Variants in QTMAN observed in about 807,000 individuals in gnomAD.
The protein encoded by QTMAN is tRNA-queuosine alpha-mannosyltransferase.
chr2:144,166,448 G>A, the QTMAN span, among the ~76,000 whole-genome samples: 9 of 152,130 alleles, frequency 5.9e-5, no homozygotes, highest in East Asian at 9.6e-4. Flanking sequence ...AATCGACAAA[G>A]GTATTGAAGG....
the QTMAN span, among the ~76,000 whole-genome samples, chr2:144,077,642 T>C: frequency 6.6e-6 from 1 of 152,166 alleles, no homozygotes; most frequent in African/African-American, 2.4e-5. Context: ...TATGGTTGTG[T>C]CTATCTACAC....
At chr2:144,105,241 C>A in the QTMAN span, among the ~76,000 whole-genome samples, 1 of 152,162 alleles carries the variant, frequency 6.6e-6, no homozygotes, top group East Asian at 1.9e-4. Flanking sequence ...AGCAACAGAG[C>A]AAAGCTGGAC....
the QTMAN span, among the ~76,000 whole-genome samples, chr2:144,266,967 G>A: frequency 6.6e-6 from 1 of 152,126 alleles, no homozygotes; most frequent in Non-Finnish European, 1.5e-5. Flanking sequence ...AAGGACATTA[G>A]AGGTATTGGA....
chr2:144,079,176 A>G, the QTMAN span, among the ~76,000 whole-genome samples: 1 of 152,164 alleles, frequency 6.6e-6, no homozygotes, highest in African/African-American at 2.4e-5. Context: ...GAGGAGGCAA[A>G]GTATTAACGG....
At chr2:144,295,096 A>C in the QTMAN span, among the ~76,000 whole-genome samples, 1 of 152,246 alleles carries the variant, frequency 6.6e-6, no homozygotes, top group Admixed American at 6.5e-5. Flanking sequence ...TAAAGAATGA[A>C]GTTTTTACTT....
At chr2:144,145,580 A>T in the QTMAN span, 1 of 1,607,230 alleles carries the variant, frequency 6.2e-7, no homozygotes, top group Non-Finnish European at 8.5e-7. Context: ...ACCATGAAAG[A>T]ATTTGGTTGT....
the QTMAN span, among the ~76,000 whole-genome samples, chr2:144,139,946 C>G: frequency 5.9e-5 from 9 of 152,108 alleles, no homozygotes; most frequent in Non-Finnish European, 1.3e-4. Flanking sequence ...GAGAAAGATA[C>G]AAGCATTCAA....
chr2:144,139,879 T>C, the QTMAN span, among the ~76,000 whole-genome samples: 1 of 152,090 alleles, frequency 6.6e-6, no homozygotes. Flanking sequence ...AACTGTATCT[T>C]CTGCTTTGTT....
chr2:144,012,142 C>G, the QTMAN span, among the ~76,000 whole-genome samples: 1 of 152,082 alleles, frequency 6.6e-6, no homozygotes, highest in Non-Finnish European at 1.5e-5. Context: ...TCCTGCTGCC[C>G]ATCCCCTCAG....
At chr2:144,281,082 G>A in the QTMAN span, among the ~76,000 whole-genome samples, 76 of 92,192 alleles carry the variant, frequency 8.2e-4, no homozygotes, top group African/African-American at 3.2e-3. Context: ...AACAGTCCCC[G>A]GTGTGTGATG....
chr2:143,964,839 G>A, the QTMAN span, among the ~76,000 whole-genome samples: 1 of 152,052 alleles, frequency 6.6e-6, no homozygotes, highest in African/African-American at 2.4e-5. Flanking sequence ...GAAAACCATA[G>A]TTCAGGTTTT....
chr2:144,167,280 A>G, the QTMAN span, among the ~76,000 whole-genome samples: 4 of 152,324 alleles, frequency 2.6e-5, no homozygotes, highest in Middle Eastern at 6.8e-3. Flanking sequence ...TGAAAACTCA[A>G]TCATCCTCAC....
chr2:144,046,407 T>C, the QTMAN span, among the ~76,000 whole-genome samples: 2 of 152,210 alleles, frequency 1.3e-5, no homozygotes, highest in South Asian at 2.1e-4. Context: ...TTGTTTGAGA[T>C]GGGGCTTTGT....
the QTMAN span, among the ~76,000 whole-genome samples, chr2:144,103,076 T>C: frequency 7.2e-5 from 11 of 152,162 alleles, no homozygotes; most frequent in Admixed American, 3.3e-4. Context: ...GGGGAATATA[T>C]TGGATGGTGG....
chr2:144,141,722 T>C, the QTMAN span, among the ~76,000 whole-genome samples: 1 of 152,006 alleles, frequency 6.6e-6, no homozygotes, highest in East Asian at 1.9e-4. Context: ...ACATGATGAT[T>C]TAAAATCTTT....
the QTMAN span, among the ~76,000 whole-genome samples, chr2:144,133,543 T>C: frequency 3.9e-5 from 4 of 103,806 alleles, no homozygotes; most frequent in South Asian, 1.1e-3. Context: ...TATAAAGATA[T>C]AAAGATATAA....
At chr2:144,202,065 G>GATGT in the QTMAN span, among the ~76,000 whole-genome samples, 2 of 152,192 alleles carry the variant, frequency 1.3e-5, no homozygotes, top group Non-Finnish European at 2.9e-5. Flanking sequence ...GCAGGTCCAT[G>GATGT]ATGTGAACAA....
chr2:144,175,334 A>G, the QTMAN span, among the ~76,000 whole-genome samples: 1 of 152,112 alleles, frequency 6.6e-6, no homozygotes, highest in Non-Finnish European at 1.5e-5. Context: ...CAATAGGGGG[A>G]AAAAGTAAAC....
the QTMAN span, among the ~76,000 whole-genome samples, chr2:144,024,018 A>C: frequency 1.3e-5 from 2 of 152,250 alleles, no homozygotes; most frequent in Non-Finnish European, 2.9e-5. Flanking sequence ...GAGTCCTCAT[A>C]GTGTCAAAAG....
Sources: gnomAD v4.1 joint callset for allele counts (sites outside exome capture counted in the v4.1 genomes callset) on GRCh38, gnomAD v4.1.1 for gene constraint, MANE v1.5 for transcripts, NCBI Gene and HGNC (gene_info 2026-07-23, HGNC 2026-07-21) for gene names.